Variants in SUFU observed in about 807,000 individuals in gnomAD.
The protein encoded by SUFU is suppressor of fused homolog.
In SUFU, 7 loss-of-function variants were observed where a neutral mutation model predicts 58.9. The ratio of observed to expected loss-of-function variants is 0.12; its 90% CI spans 0.07 to 0.22. The LOEUF (loss-of-function observed/expected upper bound fraction) is 0.22. SUFU is among the 10% of genes least tolerant of loss of function. The pLI, the probability that SUFU is intolerant of heterozygous loss-of-function variation, is 1.00. For synonymous variants in SUFU, 232 were observed against 254.8 expected, an observed-to-expected ratio of 0.91 and a Z score of 0.85; for missense variants, 451 against 641.3, an observed-to-expected ratio of 0.70 and a Z score of 3.20.
At chr10:102,601,002 C>A (rs192289268) in intron 8 of SUFU, among the ~76,000 whole-genome samples, 1 of 152,160 alleles carries the variant, frequency 6.6e-6, no homozygotes, top group African/African-American at 2.4e-5. Flanking sequence ...GACCCTGTCC[C>A]GGGTCTACAC....
At chr10:102,532,010 A>C (rs920599889) in intron 2 of SUFU, among the ~76,000 whole-genome samples, 1 of 151,518 alleles carries the variant, frequency 6.6e-6, no homozygotes, top group Admixed American at 6.6e-5. Context: ...GCTGGAGTGC[A>C]GTGGCATAGT....
intron 2 of SUFU, among the ~76,000 whole-genome samples, chr10:102,529,851 A>G (rs950566204): frequency 5.9e-5 from 9 of 151,998 alleles, no homozygotes; most frequent in African/African-American, 2.2e-4. Context: ...AGGCTGAGGC[A>G]GGAGAATCGC....
chr10:102,627,366 A>T, intron 11 of SUFU, 123 bp downstream of exon 11: 1 of 932,100 alleles, frequency 1.1e-6, no homozygotes, highest in Non-Finnish European at 1.8e-6. Context: ...GCTTGCATGT[A>T]TCTGTGTGGC....
At chr10:102,524,536 G>T (rs1270893311) in intron 2 of SUFU, among the ~76,000 whole-genome samples, 1 of 151,974 alleles carries the variant, frequency 6.6e-6, no homozygotes, top group Non-Finnish European at 1.5e-5. Flanking sequence ...ATGTTGGCCA[G>T]GCTGGTCTCA....
chr10:102,503,225 G>A (rs551602246), upstream of SUFU, among the ~76,000 whole-genome samples: 12 of 152,160 alleles, frequency 7.9e-5, no homozygotes, highest in Non-Finnish European at 1.3e-4. Context: ...TACAACAAAG[G>A]AAAACAATTT....
chr10:102,631,772 G>T lies in SUFU; in HGVS notation c.*1617G>T, dbSNP rs1005415659. ...GACCTCCATGGAGCCACTAGGCCTG[G>T]CCTCCTCTACACATCCCCAGGGCTA... is the stretch of plus-strand genomic sequence containing the variant. On this transcript the variant is annotated 3_prime_UTR_variant, in exon 12 of 12. Transcript: ENST00000369902. 8 of 233,064 alleles carry T rather than the reference G, an allele frequency of 3.4e-5. No homozygotes were observed. Among genetic ancestry groups the T allele is most frequent in the Admixed American group, 5.6e-5 (1 of 17,770 alleles). 14.4% of individuals were successfully genotyped at this position (233,064 alleles called of 1,614,324 possible). A position where few individuals can be genotyped will look rare whatever the true frequency, so the allele number is the denominator to read the frequency against.
intron 3 of SUFU, chr10:102,572,721 T>C (rs546189753): frequency 1.4e-6 from 1 of 715,090 alleles, no homozygotes; most frequent in South Asian, 1.4e-5. Context: ...GGTGAAAAGA[T>C]ATACATATAT....
chr10:102,512,893 C>T (rs939068628), intron 2 of SUFU, among the ~76,000 whole-genome samples: 36 of 151,906 alleles, frequency 2.4e-4, no homozygotes, highest in Non-Finnish European at 4.4e-4. Context: ...GTGAGACCCT[C>T]CCCCATCTCT....
intron 6 of SUFU, among the ~76,000 whole-genome samples, chr10:102,595,819 A>G (rs1723490390): frequency 1.3e-5 from 2 of 152,290 alleles, no homozygotes; most frequent in South Asian, 2.1e-4. Context: ...CAAGCTCTAC[A>G]CTAACCAGCT....
chr10:102,616,536 A>G (rs985866643), intron 9 of SUFU, among the ~76,000 whole-genome samples: 1 of 152,252 alleles, frequency 6.6e-6, no homozygotes, highest in Non-Finnish European at 1.5e-5. Flanking sequence ...TCTCTGGCCC[A>G]GGCCCAGGGC....
At chr10:102,538,029 G>T in intron 2 of SUFU, among the ~76,000 whole-genome samples, 1 of 152,114 alleles carries the variant, frequency 6.6e-6, no homozygotes, top group South Asian at 2.1e-4. Context: ...AATGTGTAAG[G>T]GTCCTAATTT....
chr10:102,560,150 T>C (rs866089996), intron 3 of SUFU, among the ~76,000 whole-genome samples: 2 of 152,208 alleles, frequency 1.3e-5, no homozygotes, highest in South Asian at 2.1e-4. Flanking sequence ...CATTATAAAA[T>C]TGAAACTTAG....
At chr10:102,514,126 A>G (rs1041130054) in intron 2 of SUFU, among the ~76,000 whole-genome samples, 17 of 151,958 alleles carry the variant, frequency 1.1e-4, no homozygotes, top group African/African-American at 3.1e-4. Context: ...GACTCAAGCA[A>G]TCCTCCTGCC....
chr10:102,548,398 C>T (rs886868059), intron 2 of SUFU, among the ~76,000 whole-genome samples: 7 of 152,034 alleles, frequency 4.6e-5, no homozygotes, highest in Non-Finnish European at 7.4e-5. Flanking sequence ...CCTTGCCTCT[C>T]GGGGTGATGA....
At chr10:102,505,546 C>T (rs1334124135) in intron 1 of SUFU, among the ~76,000 whole-genome samples, 7 of 152,184 alleles carry the variant, frequency 4.6e-5, no homozygotes, top group Non-Finnish European at 1.0e-4. Flanking sequence ...ACTGAGTCTT[C>T]CTCCTGGTGA....
At chr10:102,585,494 G>A (rs1461789041) in intron 3 of SUFU, among the ~76,000 whole-genome samples, 2 of 152,010 alleles carry the variant, frequency 1.3e-5, no homozygotes, top group African/African-American at 2.4e-5. Context: ...GTCTCATTGT[G>A]GGTTTTCTGT....
At chr10:102,550,144 G>T in intron 3 of SUFU, 38 bp downstream of exon 3, 1 of 1,613,758 alleles carries the variant, frequency 6.2e-7, no homozygotes, top group Non-Finnish European at 8.5e-7. Flanking sequence ...TGGTCCTTTT[G>T]CCATGAGCCT....
intron 2 of SUFU, among the ~76,000 whole-genome samples, chr10:102,524,324 CTTTTCTTTTTT>C (rs1367281095): frequency 8.3e-6 from 1 of 119,892 alleles, no homozygotes; most frequent in Non-Finnish European, 1.7e-5. Context: ...TTTTTCTTTT[CTTTTCTTTTTT>C]TTTTTTTTGA....
At chr10:102,590,007 G>A (rs779291306) in intron 3 of SUFU, among the ~76,000 whole-genome samples, 1 of 151,056 alleles carries the variant, frequency 6.6e-6, no homozygotes, top group Non-Finnish European at 1.5e-5. Flanking sequence ...TGCTTTTTCT[G>A]TGTCTATTGA....
Sources: allele counts gnomAD v4.1 joint callset (sites outside exome capture counted in the v4.1 genomes callset), GRCh38; gene constraint gnomAD v4.1.1; transcripts MANE v1.5; gene names NCBI Gene and HGNC (gene_info 2026-07-23, HGNC 2026-07-21).